Variants in NAALADL2 observed in about 807,000 individuals in gnomAD.
The protein encoded by NAALADL2 is N-acetylated alpha-linked acidic dipeptidase like 2.
A neutral mutation model predicts 87.2 loss-of-function variants in NAALADL2; 76 were observed. The ratio of observed to expected loss-of-function variants is 0.87; its 90% CI spans 0.72 to 1.05. NAALADL2 has a LOEUF of 1.05. NAALADL2 is among the 50% of genes least tolerant of loss of function. The pLI is 0.00. For missense variants in NAALADL2, 1,089 were observed against 945.8 expected (o/e 1.15, Z -1.99); for synonymous variants, 354 against 331.0 (o/e 1.07, Z -0.75).
chr3:175,382,559 G>A (rs1767907620), intron 5 of NAALADL2, among the ~76,000 whole-genome samples: 1 of 48,504 alleles, frequency 2.1e-5, no homozygotes, highest in African/African-American at 6.1e-5. Context: ...CACTCTTTGA[G>A]CCAAGTGAAT....
intron 11 of NAALADL2, among the ~76,000 whole-genome samples, chr3:175,645,153 A>C (rs1729825410): frequency 6.6e-6 from 1 of 152,060 alleles, no homozygotes; most frequent in Non-Finnish European, 1.5e-5. Flanking sequence ...TGCACAACAA[A>C]ATTTTTACTC....
intron 3 of NAALADL2, among the ~76,000 whole-genome samples, chr3:174,782,817 A>C (rs896211853): frequency 1.3e-5 from 2 of 152,102 alleles, no homozygotes; most frequent in African/African-American, 4.8e-5. Context: ...CACTATCACA[A>C]GAACAGCATG....
At chr3:174,613,793 T>G (rs2108647881) in intron 2 of NAALADL2, among the ~76,000 whole-genome samples, 1 of 152,310 alleles carries the variant, frequency 6.6e-6, no homozygotes, top group East Asian at 1.9e-4. Context: ...AAACTGGTAC[T>G]TAAGGTACAA....
chr3:175,677,714 C>A (rs1227782248), intron 11 of NAALADL2, among the ~76,000 whole-genome samples: 1 of 152,076 alleles, frequency 6.6e-6, no homozygotes, highest in Non-Finnish European at 1.5e-5. Context: ...TTTGTAAACT[C>A]ACAAATATTT....
intron 2 of NAALADL2, among the ~76,000 whole-genome samples, chr3:174,707,720 A>C (rs986525783): frequency 1.3e-5 from 2 of 151,998 alleles, no homozygotes; most frequent in African/African-American, 4.8e-5. Context: ...GGTGCAGCAC[A>C]CCAACATGGC....
intron 5 of NAALADL2, among the ~76,000 whole-genome samples, chr3:175,397,035 A>AT (rs1769887740): frequency 1.3e-5 from 2 of 152,166 alleles, no homozygotes; most frequent in Admixed American, 1.3e-4. Flanking sequence ...TACATTTAAA[A>AT]ATATATATTA....
chr3:174,710,315 C>T (rs1006868269), intron 2 of NAALADL2, among the ~76,000 whole-genome samples: 21 of 147,930 alleles, frequency 1.4e-4, no homozygotes, highest in Non-Finnish European at 2.2e-4. Context: ...AATGCAGTGG[C>T]GCGATCTCGG....
At chr3:174,785,735 C>T (rs1716562786) in intron 3 of NAALADL2, among the ~76,000 whole-genome samples, 1 of 152,018 alleles carries the variant, frequency 6.6e-6, no homozygotes, top group Admixed American at 6.6e-5. Context: ...CATAGTGATT[C>T]CCTGCTATAT....
chr3:175,306,114 T>G (rs4615090), intron 4 of NAALADL2, among the ~76,000 whole-genome samples: 25,803 of 152,040 alleles, frequency 0.17, 2,576 homozygotes, highest in East Asian at 0.48. Flanking sequence ...TTACTCAATG[T>G]TCATTAAAAT....
chr3:174,446,434 G>A (rs915335856), intron 1 of NAALADL2, among the ~76,000 whole-genome samples: 5 of 151,996 alleles, frequency 3.3e-5, no homozygotes, highest in African/African-American at 4.8e-5. Flanking sequence ...TTTAGTTTTA[G>A]GATTTTAGCT....
chr3:175,622,782 A>T (rs570897651), intron 10 of NAALADL2, among the ~76,000 whole-genome samples: 17 of 152,154 alleles, frequency 1.1e-4, no homozygotes, highest in Non-Finnish European at 2.4e-4. Flanking sequence ...TAAAACTTAA[A>T]CCACAATGTG....
Position 174,927,272 on chromosome 3 carries a change from C to A in NAALADL2, c.43+67822C>A, listed in dbSNP as rs574897067. Among the ~76,000 whole-genome samples the A allele has an allele frequency of 2.6e-5, 4 of 152,206 alleles. No homozygotes were observed. The South Asian group carries it at 8.3e-4, about 32-fold the overall frequency. ...ACAATAATAATGGGAGAATTTAACA[C>A]CCCACTGTCAACATTAGACAGATCA... On this transcript the variant is annotated intron_variant, in intron 1 of 13. Transcript: ENST00000454872.
intron 1 of NAALADL2, among the ~76,000 whole-genome samples, chr3:174,882,375 A>T (rs1428274296): frequency 6.6e-6 from 1 of 151,798 alleles, no homozygotes; most frequent in Non-Finnish European, 1.5e-5. Flanking sequence ...TTGATATATT[A>T]GGGTTCTCTA....
chr3:175,281,196 T>C (rs1440881946), intron 4 of NAALADL2, among the ~76,000 whole-genome samples: 3 of 151,578 alleles, frequency 2.0e-5, no homozygotes, highest in Non-Finnish European at 4.4e-5. Context: ...TTTTTAGAAC[T>C]TCTTTTCTAA....
chr3:175,647,722 C>T (rs1730207495), intron 11 of NAALADL2, among the ~76,000 whole-genome samples: 2 of 152,148 alleles, frequency 1.3e-5, no homozygotes, highest in South Asian at 2.1e-4. Context: ...GTGCTTTACA[C>T]CTGGAGCCCT....
chr3:174,943,507 G>A (rs1312693047), intron 1 of NAALADL2, among the ~76,000 whole-genome samples: 1 of 152,152 alleles, frequency 6.6e-6, no homozygotes, highest in Non-Finnish European at 1.5e-5. Context: ...GGCACTTCTG[G>A]GATGTCCACT....
At chr3:175,557,284 G>A (rs1715434351) in intron 9 of NAALADL2, among the ~76,000 whole-genome samples, 1 of 152,004 alleles carries the variant, frequency 6.6e-6, no homozygotes, top group South Asian at 2.1e-4. Flanking sequence ...CATGGTAGTT[G>A]TATATATTTA....
At chr3:174,851,159 A>G (rs1016623334) in intron 3 of NAALADL2, among the ~76,000 whole-genome samples, 2 of 152,050 alleles carry the variant, frequency 1.3e-5, no homozygotes, top group African/African-American at 4.8e-5. Context: ...CATCAAAAGT[A>G]CAACTTCCAA....
intron 11 of NAALADL2, among the ~76,000 whole-genome samples, chr3:175,680,662 G>A (rs1407966368): frequency 1.3e-5 from 2 of 152,102 alleles, no homozygotes; most frequent in Admixed American, 6.6e-5. Context: ...AAGTTAAAAA[G>A]GGCTGCATTT....
Sources: gnomAD v4.1 joint callset for allele counts (sites outside exome capture counted in the v4.1 genomes callset) on GRCh38, gnomAD v4.1.1 for gene constraint, MANE v1.5 for transcripts, NCBI Gene and HGNC (gene_info 2026-07-23, HGNC 2026-07-21) for gene names.